NDUFB2: variants seen among roughly 807,000 people sequenced by gnomAD.
The protein encoded by NDUFB2 is NADH dehydrogenase [ubiquinone] 1 beta subcomplex subunit 2, mitochondrial.
In NDUFB2, 13 loss-of-function variants were observed where a neutral mutation model predicts 13.4. The ratio of observed to expected loss-of-function variants is 0.97; its 90% CI spans 0.63 to 1.54. The LOEUF is 1.54. Among genes scored for constraint, NDUFB2 ranks in the 40% most tolerant of loss-of-function variants. The pLI, the probability that NDUFB2 is intolerant of heterozygous loss-of-function variation, is 0.00. For synonymous variants in NDUFB2, 47 were observed against 50.6 expected, an observed-to-expected ratio of 0.93 and a Z score of 0.30; for missense variants, 150 against 139.7, an observed-to-expected ratio of 1.07 and a Z score of -0.37.
chr7:140,702,125 A>T (rs1794906453), intron 1 of NDUFB2: 1 of 676,208 alleles, frequency 1.5e-6, no homozygotes, highest in African/African-American at 1.8e-5. Flanking sequence ...GAAATTGGTA[A>T]ACATATTTTA....
At chr7:140,697,467 G>A in intron 1 of NDUFB2, 3 of 697,024 alleles carry the variant, frequency 4.3e-6, no homozygotes, top group Non-Finnish European at 5.2e-6. Context: ...AGAGCCGCCC[G>A]CGAGGTGGCC....
In NDUFB2 at chr7:140,696,854, G is replaced by C; in HGVS notation, c.98+12G>C. Reference sequence around the variant, plus strand: ...GGTGGAGTCCGTCAGTGAGTGTGGGGCTGGGGATGGGGGCCTCGCCGGCCT... The same window carrying C: ...GGTGGAGTCCGTCAGTGAGTGTGGGCCTGGGGATGGGGGCCTCGCCGGCCT... On this transcript the variant is annotated intron_variant, in intron 1 of 3. Coordinates refer to ENST00000247866, the MANE Select transcript of NDUFB2 (RefSeq NM_004546.3). The C allele has an allele frequency of 6.3e-7, 1 of 1,594,854 alleles. No homozygotes were observed. The highest frequency in any genetic ancestry group is 8.5e-7 in the Non-Finnish European group (1 of 1,170,894).
At chr7:140,696,958 G>C (rs1794817268) in intron 1 of NDUFB2, 116 bp downstream of exon 1, 9 of 921,860 alleles carry the variant, frequency 9.8e-6, no homozygotes, top group Non-Finnish European at 1.5e-5. Flanking sequence ...AGGCATGCTG[G>C]GACCTGTAGT....
In NDUFB2 at chr7:140,696,737, G is replaced by A; in HGVS notation, c.-8G>A. ...CGGCTGGGGACCGCGGGGCGGACGG[G>A]AGCGAGTATGTCCGCTCTGACTCGG... On this transcript the variant is annotated 5_prime_UTR_variant, in exon 1 of 4. Coordinates refer to ENST00000247866, the MANE Select transcript of NDUFB2 (RefSeq NM_004546.3). The A allele has an allele frequency of 6.3e-7, 1 of 1,582,660 alleles. No individual in the cohort carries two copies. Among genetic ancestry groups the A allele is most frequent in the Non-Finnish European group, 8.6e-7 (1 of 1,165,666 alleles).
chr7:140,701,998 C>T (rs1794904853), intron 1 of NDUFB2: 2 of 698,386 alleles, frequency 2.9e-6, no homozygotes, highest in Non-Finnish European at 2.6e-6. Context: ...TGCCCTGTTA[C>T]TGTTCACGAA....
intron 2 of NDUFB2, among the ~76,000 whole-genome samples, chr7:140,703,840 C>T (rs906355462): frequency 2.0e-5 from 3 of 152,204 alleles, no homozygotes; most frequent in African/African-American, 7.2e-5. Flanking sequence ...ACTGCAAGCT[C>T]CGCCTCCTGG....
At chr7:140,706,252 A>G (rs989720304) in intron 3 of NDUFB2, 2 of 151,772 alleles carry the variant, frequency 1.3e-5, no homozygotes, top group African/African-American at 4.8e-5. Flanking sequence ...TAATTTTTGT[A>G]TATTTTGTAG....
chr7:140,704,889 G>A lies in NDUFB2; in HGVS notation c.273G>A (p.Gln91=). ...LGHFPYPDPS[Q]WTDEELGIPP... is the part of the protein sequence containing the mutation. ...ACTTTCCGTATCCTGATCCTTCCCA[G>A]TGGACAGATGAAGAATTAGGTATCC... Residue 91 remains glutamine (Q), a synonymous_variant, in exon 3 of 4, where the codon CAG becomes CAA. Transcript: ENST00000247866. 1 of 1,603,738 alleles carries A rather than the reference G, an allele frequency of 6.2e-7. No homozygotes were observed. Among genetic ancestry groups the A allele is most frequent in the South Asian group, 1.1e-5 (1 of 88,848 alleles).
intron 1 of NDUFB2, among the ~76,000 whole-genome samples, chr7:140,699,013 C>T (rs1008252794): frequency 6.6e-6 from 1 of 152,152 alleles, no homozygotes; most frequent in East Asian, 1.9e-4. Flanking sequence ...CAAAAATTAG[C>T]TGGGCATGGT....
At chr7:140,699,231 T>C (rs1794863437) in intron 1 of NDUFB2, among the ~76,000 whole-genome samples, 1 of 152,236 alleles carries the variant, frequency 6.6e-6, no homozygotes, top group Non-Finnish European at 1.5e-5. Flanking sequence ...TCTCAAACAT[T>C]TGAAGTTGGA....
intron 1 of NDUFB2, among the ~76,000 whole-genome samples, chr7:140,699,250 T>G (rs1364395364): frequency 1.3e-5 from 2 of 152,236 alleles, no homozygotes; most frequent in Non-Finnish European, 2.9e-5. Flanking sequence ...GAACAGCCAT[T>G]ATTTCCTTGG....
rs769387032 is a variant in NDUFB2, at chr7:140,696,828, T to G, written c.84T>G (p.Asp28Glu). 1.9e-5 allele frequency: 30 copies of G among 1,607,934 alleles called. No individual in the cohort carries two copies. The highest frequency in any genetic ancestry group is 2.5e-5 in the Non-Finnish European group (30 of 1,177,514). Residue 28 changes from aspartate (D) to glutamate (E), a missense_variant, in exon 1 of 4, where the codon GAT becomes GAG. Coordinates refer to ENST00000247866, the MANE Select transcript of NDUFB2 (RefSeq NM_004546.3). ...GCGGCTGCGCACGGACTGCTGGAGA[T>G]GGTGGAGTCCGTCAGTGAGTGTGGG... ...FRSGCARTAG[D>E]GGVRHAGGGV...
chr7:140,699,582 T>G (rs1794868214), intron 1 of NDUFB2, among the ~76,000 whole-genome samples: 1 of 152,112 alleles, frequency 6.6e-6, no homozygotes, highest in Admixed American at 6.6e-5. Context: ...GGTTGCAGCT[T>G]TATTCAGTGA....
intron 1 of NDUFB2, chr7:140,697,181 C>G (rs1794821991): frequency 1.7e-6 from 1 of 594,736 alleles, no homozygotes; most frequent in Admixed American, 3.1e-5. Flanking sequence ...GCGTGCGCGG[C>G]GGGTGTGGAC....
chr7:140,704,196 GGTTT>G (rs1409858949), intron 2 of NDUFB2, among the ~76,000 whole-genome samples: 1 of 152,112 alleles, frequency 6.6e-6, no homozygotes, highest in Non-Finnish European at 1.5e-5. Context: ...AGTAAATTTG[GGTTT>G]GTTTCCAGGA....
At chr7:140,704,036 T>C (rs1271912754) in intron 2 of NDUFB2, among the ~76,000 whole-genome samples, 8 of 152,230 alleles carry the variant, frequency 5.3e-5, no homozygotes, top group Admixed American at 5.2e-4. Flanking sequence ...ATTACAGGCG[T>C]GAGCCACTGC....
chr7:140,697,458 G>T, intron 1 of NDUFB2: 1 of 698,630 alleles, frequency 1.4e-6, no homozygotes, highest in South Asian at 1.5e-5. Flanking sequence ...GTGACAGGCA[G>T]AGCCGCCCGC....
In NDUFB2 at chr7:140,697,421, G is replaced by C. The variant is rs1161734288; in HGVS notation, c.98+579G>C. 5.7e-6 allele frequency: 4 copies of C among 702,720 alleles called. No individual in the cohort carries two copies. In the South Asian group the frequency reaches 5.9e-5, roughly 10 times the overall value. The allele number at this position is 702,720 out of a possible 1,614,324, so 43.5% of individuals were successfully genotyped here. A position where few individuals can be genotyped will look rare whatever the true frequency, so the allele number is the denominator to read the frequency against. On this transcript the variant is annotated intron_variant, in intron 1 of 3. Transcript: ENST00000247866. ...GAGGAGCAGAAAGCCGGAAGCCAAC[G>C]CTGGGGCAGCCGTGGCGTTTAGGAG...
intron 3 of NDUFB2, 91 bp downstream of exon 3, chr7:140,705,054 T>C (rs762851138): frequency 1.2e-4 from 74 of 618,402 alleles, no homozygotes; most frequent in Non-Finnish European, 1.7e-4. Context: ...TTGAAAAAAC[T>C]GCATATTCTA....
Sources: gnomAD v4.1 joint callset for allele counts (sites outside exome capture counted in the v4.1 genomes callset) on GRCh38, gnomAD v4.1.1 for gene constraint, MANE v1.5 for transcripts, NCBI Gene and HGNC (gene_info 2026-07-23, HGNC 2026-07-21) for gene names.